Variants in KCNIP4 observed in about 807,000 individuals in gnomAD.
KCNIP4 encodes the protein potassium voltage-gated channel interacting protein 4.
A neutral mutation model predicts 34.0 loss-of-function variants in KCNIP4; 12 were observed. The observed-to-expected ratio is 0.35, with a 90% CI of 0.23 to 0.57. The LOEUF is 0.57. Ranked by LOEUF, KCNIP4 falls within the 20% of genes least tolerant of loss-of-function variation. The probability of loss-of-function intolerance (pLI) is 0.83; values close to 1 mark genes in which losing one functional copy is unlikely to be tolerated. For missense variants in KCNIP4, 238 were observed against 311.7 expected (o/e 0.76, Z 1.78); for synonymous variants, 124 against 102.2 (o/e 1.21, Z -1.29).
intron 1 of KCNIP4, among the ~76,000 whole-genome samples, chr4:21,025,776 G>A (rs563514999): frequency 1.1e-4 from 17 of 151,986 alleles, no homozygotes; most frequent in East Asian, 1.9e-4. Context: ...GGATGGTCTC[G>A]ATCTCCTGAC....
intron 1 of KCNIP4, among the ~76,000 whole-genome samples, chr4:21,248,392 T>C (rs1349194859): frequency 1.3e-5 from 2 of 152,114 alleles, no homozygotes; most frequent in Non-Finnish European, 2.9e-5. Flanking sequence ...TTTAAAATTA[T>C]TTGTGTTTAA....
intron 1 of KCNIP4, among the ~76,000 whole-genome samples, chr4:20,916,522 G>A (rs1360556996): frequency 6.6e-6 from 1 of 152,058 alleles, no homozygotes; most frequent in Non-Finnish European, 1.5e-5. Context: ...AATTTTCCAC[G>A]AACACATGAG....
At chr4:21,533,259 A>C (rs1736857037) in intron 1 of KCNIP4, among the ~76,000 whole-genome samples, 1 of 152,212 alleles carries the variant, frequency 6.6e-6, no homozygotes, top group African/African-American at 2.4e-5. Context: ...TTTTTAAATA[A>C]ATTTTATTGT....
chr4:21,719,863 T>C (rs1431371023), intron 1 of KCNIP4, among the ~76,000 whole-genome samples: 2 of 151,160 alleles, frequency 1.3e-5, no homozygotes, highest in African/African-American at 2.4e-5. Context: ...CTTGGGAGGC[T>C]GAGGCAGAAG....
chr4:21,852,042 A>T (rs1302767262), intron 1 of KCNIP4: 2 of 148,182 alleles, frequency 1.3e-5, no homozygotes, highest in African/African-American at 5.2e-5. Context: ...GTGTTCACAG[A>T]TTATAGAGAT....
chr4:21,504,761 T>G (rs1007034063), intron 1 of KCNIP4, among the ~76,000 whole-genome samples: 2 of 152,178 alleles, frequency 1.3e-5, no homozygotes, highest in Non-Finnish European at 2.9e-5. Flanking sequence ...ATTGATGTCC[T>G]TTTAAAAAGT....
chr4:21,921,304 T>C (rs1206433613), intron 1 of KCNIP4, among the ~76,000 whole-genome samples: 1 of 152,110 alleles, frequency 6.6e-6, no homozygotes, highest in Non-Finnish European at 1.5e-5. Flanking sequence ...TATCTCTAAA[T>C]GTTAAGAAGT....
rs767314805 is a variant in KCNIP4, at chr4:21,247,820, T to TATATATATATATAC, written c.62-365112_62-365111insGTATATATATATAT. Among the ~76,000 whole-genome samples, 18 of 101,176 alleles carry TATATATATATATAC rather than the reference T, an allele frequency of 1.8e-4. 1 individual carries two copies. Among genetic ancestry groups the TATATATATATATAC allele is most frequent in the African/African-American group, 8.1e-4 (18 of 22,322 alleles). The allele number at this position is 101,176 out of a possible 152,430, so 66.4% of individuals were successfully genotyped here. ...AGGTGGATATATATATATATATATATACACACACACACAGACACCACAGGT... is the reference window on the plus strand; with the variant it reads ...AGGTGGATATATATATATATATATATATATATATATATACACACACACACACAGACACCACAGGT... On this transcript the variant is annotated intron_variant, in intron 1 of 8. Coordinates refer to ENST00000382152, the MANE Select transcript of KCNIP4 (RefSeq NM_025221.6).
At chr4:21,503,294 A>G (rs1733513855) in intron 1 of KCNIP4, among the ~76,000 whole-genome samples, 1 of 152,170 alleles carries the variant, frequency 6.6e-6, no homozygotes, top group East Asian at 1.9e-4. Context: ...CATTATATAA[A>G]GCAGTCACAA....
Position 21,387,492 on chromosome 4 carries a change from A to C in KCNIP4, c.62-504783T>G, listed in dbSNP as rs535926428. Among the ~76,000 whole-genome samples, 25 of 152,352 alleles carry C rather than the reference A, an allele frequency of 1.6e-4. No individual in the cohort carries two copies. The South Asian group carries it at 5.0e-3, about 30-fold the overall frequency. On this transcript the variant is annotated intron_variant, in intron 1 of 8. Transcript: ENST00000382152. ...CTCTCTTCATGAAACTTGGTGAGACAACAAACAAATGATATGTCATCAAAA... is the reference window on the plus strand; with the variant it reads ...CTCTCTTCATGAAACTTGGTGAGACCACAAACAAATGATATGTCATCAAAA...
chr4:21,894,503 ACT>A (rs533694292), intron 1 of KCNIP4, among the ~76,000 whole-genome samples: 157 of 152,210 alleles, frequency 1.0e-3, no homozygotes, highest in Non-Finnish European at 1.9e-3. Context: ...ATCATTTGTG[ACT>A]CTCTGAGGAA....
intron 1 of KCNIP4, among the ~76,000 whole-genome samples, chr4:21,787,750 T>G (rs2109226379): frequency 6.6e-6 from 1 of 152,290 alleles, no homozygotes; most frequent in Non-Finnish European, 1.5e-5. Flanking sequence ...AAAACTAAAT[T>G]TTTTTAAAAA....
intron 4 of KCNIP4, among the ~76,000 whole-genome samples, chr4:20,755,030 A>G (rs540083376): frequency 1.3e-5 from 2 of 152,268 alleles, no homozygotes; most frequent in East Asian, 3.9e-4. Context: ...CCCCAAATTA[A>G]TCTCTCATTA....
chr4:21,089,869 T>C (rs1249682507), intron 1 of KCNIP4, among the ~76,000 whole-genome samples: 2 of 152,210 alleles, frequency 1.3e-5, no homozygotes, highest in South Asian at 2.1e-4. Context: ...GCCTGATCTC[T>C]GGATAACCCT....
intron 1 of KCNIP4, among the ~76,000 whole-genome samples, chr4:21,774,598 T>A (rs1253190488): frequency 1.3e-5 from 2 of 152,230 alleles, no homozygotes; most frequent in Non-Finnish European, 2.9e-5. Context: ...TTTGTCTTTT[T>A]ACAAAGTCCC....
At chr4:20,794,695 C>A (rs1406983627) in intron 3 of KCNIP4, among the ~76,000 whole-genome samples, 1 of 152,070 alleles carries the variant, frequency 6.6e-6, no homozygotes, top group Non-Finnish European at 1.5e-5. Flanking sequence ...TTCTATTTCT[C>A]GATCTCTGTG....
intron 1 of KCNIP4, among the ~76,000 whole-genome samples, chr4:21,603,434 A>G (rs1380996681): frequency 6.6e-6 from 1 of 152,202 alleles, no homozygotes. Flanking sequence ...GAAAGAATGT[A>G]AGACTTCAAA....
At chr4:21,608,861 CA>C in intron 1 of KCNIP4, 1 of 152,226 alleles carries the variant, frequency 6.6e-6, no homozygotes, top group Non-Finnish European at 1.5e-5. Flanking sequence ...TCTCTTTTAG[CA>C]TCCTTGAACA....
At chr4:20,965,130 T>C (rs1022538992) in intron 1 of KCNIP4, among the ~76,000 whole-genome samples, 1 of 152,178 alleles carries the variant, frequency 6.6e-6, no homozygotes, top group Non-Finnish European at 1.5e-5. Flanking sequence ...AGTGTGAAGA[T>C]AGTCCTCATC....
Sources: gnomAD v4.1 joint callset for allele counts (sites outside exome capture counted in the v4.1 genomes callset) on GRCh38, gnomAD v4.1.1 for gene constraint, MANE v1.5 for transcripts, NCBI Gene and HGNC (gene_info 2026-07-23, HGNC 2026-07-21) for gene names.